Variants in STK31 observed in about 807,000 individuals in gnomAD.
The protein encoded by STK31 is serine/threonine-protein kinase 31.
STK31 carries 89 observed loss-of-function variants against 129.7 expected under a neutral mutation model. That is an observed-to-expected ratio of 0.69 (90% CI 0.58 to 0.82). The LOEUF is 0.82. Ranked by LOEUF, STK31 falls within the 40% of genes least tolerant of loss-of-function variation. The pLI, the probability that STK31 is intolerant of heterozygous loss-of-function variation, is 0.00. For synonymous variants in STK31, 448 were observed against 395.3 expected (o/e 1.13, Z -1.58); for missense variants, 1,187 against 1,176.4 (o/e 1.01, Z -0.13).
chr7:23,710,394 G>T, intron 1 of STK31, 59 bp downstream of exon 1: 1 of 1,611,606 alleles, frequency 6.2e-7, no homozygotes, highest in East Asian at 2.2e-5. Context: ...TATTTTCGTC[G>T]CTGCTTGCGT....
intron 15 of STK31, among the ~76,000 whole-genome samples, chr7:23,776,342 C>T (rs1177291536): frequency 6.6e-6 from 1 of 152,112 alleles, no homozygotes; most frequent in African/African-American, 2.4e-5. Context: ...ATGCTGGCCT[C>T]ATAAAATGAG....
At position 23,735,806 on chromosome 7, in the gene STK31, C is replaced by T. The variant is rs753576706; in HGVS notation, c.752C>T (p.Thr251Ile). 4.7e-5 allele frequency: 76 copies of T among 1,614,006 alleles called. No homozygotes were observed. In the South Asian group the frequency reaches 7.8e-4, roughly 17 times the overall value. ...PLWGHRSNQS[T>I]FSRPKGHLSE... ...TGGGGGCATAGATCAAACCAGTCAACCTTCAGCAGGCCCAAGGGGCACTTA... is the reference window on the plus strand; with the variant it reads ...TGGGGGCATAGATCAAACCAGTCAATCTTCAGCAGGCCCAAGGGGCACTTA... The change falls in exon 7 of 24, where the codon ACC becomes ATC. Residue 251 changes from threonine to isoleucine, a missense_variant. By Grantham distance (89) the Thr-to-Ile change is moderately conservative. Around this residue, in one of 5 missense-constraint regions of STK31, gnomAD observed 975 missense variants for 934.9 expected, o/e 1.04. Coordinates refer to ENST00000355870, the MANE Select transcript of STK31 (RefSeq NM_031414.5).
At chr7:23,730,805 T>A (rs1177984491) in intron 6 of STK31, among the ~76,000 whole-genome samples, 1 of 146,212 alleles carries the variant, frequency 6.8e-6, no homozygotes, top group African/African-American at 2.5e-5. Context: ...CAGCTGAGAA[T>A]GTTTTTGTAT....
intron 1 of STK31, 94 bp from the exon 2 acceptor site, chr7:23,712,005 A>C: frequency 9.2e-7 from 1 of 1,083,068 alleles, no homozygotes; most frequent in Admixed American, 2.6e-5. Context: ...TGCATTTAGG[A>C]CAAAACATTT....
chr7:23,780,449 T>A (rs7787706), intron 15 of STK31, among the ~76,000 whole-genome samples: 55,155 of 151,992 alleles, frequency 0.36, 10,139 homozygotes, highest in Admixed American at 0.41. Context: ...GCTTAAATAT[T>A]TAAAAGGGAA....
chr7:23,819,328 C>T (rs771669399), intron 23 of STK31, among the ~76,000 whole-genome samples: 1 of 152,074 alleles, frequency 6.6e-6, no homozygotes, highest in Non-Finnish European at 1.5e-5. Flanking sequence ...TTTTTTGCTA[C>T]TTTCTGGAGA....
chr7:23,736,233 T>C (rs984700130), intron 7 of STK31, among the ~76,000 whole-genome samples: 1 of 152,238 alleles, frequency 6.6e-6, no homozygotes, highest in African/African-American at 2.4e-5. Flanking sequence ...AGATTTGAAG[T>C]TCTTCCTATG....
intron 11 of STK31, among the ~76,000 whole-genome samples, chr7:23,766,362 A>G (rs573422887): frequency 6.6e-6 from 1 of 152,296 alleles, no homozygotes; most frequent in Non-Finnish European, 1.5e-5. Context: ...TCCTGGGTTC[A>G]AGCAATTCTC....
In STK31 at chr7:23,714,601, C is replaced by G. The variant is rs186506534; in HGVS notation, c.150+2315C>G. On this transcript the variant is annotated intron_variant, in intron 3 of 23. Coordinates refer to ENST00000355870, the MANE Select transcript of STK31 (RefSeq NM_031414.5). ...ATGTGAACAGGATAGTTTATATTTCCTTTTTAATATTGTCTTTGAAATCCA... is the reference window on the plus strand; with the variant it reads ...ATGTGAACAGGATAGTTTATATTTCGTTTTTAATATTGTCTTTGAAATCCA... 5.3e-5 allele frequency among the ~76,000 whole-genome samples: 8 copies of G among 152,070 alleles called. No individual in the cohort carries two copies. In the East Asian group the frequency reaches 1.2e-3, roughly 22 times the overall value.
intron 8 of STK31, among the ~76,000 whole-genome samples, chr7:23,741,570 A>G (rs1430246976): frequency 6.6e-6 from 1 of 152,166 alleles, no homozygotes; most frequent in Non-Finnish European, 1.5e-5. Flanking sequence ...AATTTCAGGG[A>G]CACAGGTAAC....
intron 23 of STK31, among the ~76,000 whole-genome samples, chr7:23,815,638 T>G (rs568055969): frequency 2.0e-5 from 3 of 152,248 alleles, no homozygotes; most frequent in Admixed American, 6.5e-5. Flanking sequence ...GCATTGAGAA[T>G]GAAATGAATA....
chr7:23,752,681 T>C (rs760183957), intron 8 of STK31, 36 bp from the exon 9 acceptor site: 1 of 1,430,024 alleles, frequency 7.0e-7, no homozygotes, highest in Non-Finnish European at 9.9e-7. Context: ...GTTTCCTATT[T>C]GGGTCTCACG....
chr7:23,808,694 G>C (rs1792875831), intron 22 of STK31, among the ~76,000 whole-genome samples: 1 of 152,054 alleles, frequency 6.6e-6, no homozygotes, highest in South Asian at 2.1e-4. Flanking sequence ...TCAGTTCCCT[G>C]TTTGGCTTCA....
chr7:23,774,912 C>T (rs1480631189), intron 15 of STK31, among the ~76,000 whole-genome samples: 1 of 152,108 alleles, frequency 6.6e-6, no homozygotes, highest in South Asian at 2.1e-4. Flanking sequence ...GGTTTTAGGT[C>T]TAATATTTAA....
chr7:23,800,713 G>A (rs111395142), intron 22 of STK31, among the ~76,000 whole-genome samples: 10,351 of 151,960 alleles, frequency 0.068, 364 homozygotes, highest in East Asian at 0.12. Flanking sequence ...AAGCCTGCAC[G>A]TTCTTCACGT....
At chr7:23,734,105 G>T (rs1416808646) in intron 6 of STK31, among the ~76,000 whole-genome samples, 1 of 152,154 alleles carries the variant, frequency 6.6e-6, no homozygotes, top group Non-Finnish European at 1.5e-5. Flanking sequence ...GTATTTTGTG[G>T]TTTTTAGTGT....
chr7:23,823,778 G>A (rs1793935341), intron 23 of STK31, among the ~76,000 whole-genome samples: 2 of 152,140 alleles, frequency 1.3e-5, no homozygotes, highest in Admixed American at 6.6e-5. Context: ...TTTTGTATAA[G>A]GTGTAAGGAA....
intron 22 of STK31, among the ~76,000 whole-genome samples, chr7:23,810,888 ATATT>A (rs1793088077): frequency 7.2e-6 from 1 of 139,696 alleles, no homozygotes; most frequent in Non-Finnish European, 1.5e-5. Context: ...TGTATAATAT[ATATT>A]TATATATAAA....
intron 22 of STK31, among the ~76,000 whole-genome samples, chr7:23,799,968 A>G (rs1462453277): frequency 6.6e-6 from 1 of 152,248 alleles, no homozygotes; most frequent in Non-Finnish European, 1.5e-5. Flanking sequence ...TATGTGGCCA[A>G]CAAGCATATG....
Sources: allele counts gnomAD v4.1 joint callset (sites outside exome capture counted in the v4.1 genomes callset), GRCh38; gene constraint gnomAD v4.1.1; regional missense constraint gnomAD v4.1.1; transcripts MANE v1.5; gene names NCBI Gene and HGNC (gene_info 2026-07-23, HGNC 2026-07-21).